Variants in SH3RF3 observed in about 807,000 individuals in gnomAD.
The protein encoded by SH3RF3 is SH3 domain containing ring finger 3.
In SH3RF3, 29 loss-of-function variants were observed where a neutral mutation model predicts 66.3. The ratio of observed to expected loss-of-function variants is 0.44; its 90% confidence interval spans 0.33 to 0.60. The LOEUF is 0.60. SH3RF3 is among the 20% of genes least tolerant of loss of function. The probability of loss-of-function intolerance (pLI) is 0.04; values close to 1 mark genes in which losing one functional copy is unlikely to be tolerated. For missense variants in SH3RF3, 1,194 were observed against 1,190.9 expected, an observed-to-expected ratio of 1.00 and a Z score of -0.04; for synonymous variants, 583 against 532.0, an observed-to-expected ratio of 1.10 and a Z score of -1.32.
intron 1 of SH3RF3, among the ~76,000 whole-genome samples, chr2:109,329,864 G>A (rs1682246020): frequency 6.6e-6 from 1 of 152,190 alleles, no homozygotes; most frequent in African/African-American, 2.4e-5. Flanking sequence ...AGAAATAAAA[G>A]TTATATGAAT....
rs564958055 is a variant in SH3RF3, at chr2:109,452,349, C to T, written c.2148+2860C>T. On this transcript the variant is annotated intron_variant, in intron 8 of 9. Coordinates refer to ENST00000309415, the MANE Select transcript of SH3RF3 (RefSeq NM_001099289.3). Reference sequence around the variant, plus strand: ...TGGGCAACTTGATCATAGATGTACACATGTCTAATTATGGCAAAGGTTTTT... The same window carrying T: ...TGGGCAACTTGATCATAGATGTACATATGTCTAATTATGGCAAAGGTTTTT... Among the ~76,000 whole-genome samples, 3 of 152,282 alleles carry T rather than the reference C, an allele frequency of 2.0e-5. 1 individual carries two copies. The South Asian group carries it at 6.2e-4, about 32-fold the overall frequency.
chr2:109,488,123 G>T (rs1291645001), intron 8 of SH3RF3, among the ~76,000 whole-genome samples: 1 of 152,182 alleles, frequency 6.6e-6, no homozygotes, highest in African/African-American at 2.4e-5. Flanking sequence ...GGGCTCCGCC[G>T]GGACACCTGG....
chr2:109,188,443 T>G (rs531910421), intron 1 of SH3RF3, among the ~76,000 whole-genome samples: 1 of 152,298 alleles, frequency 6.6e-6, no homozygotes, highest in South Asian at 2.1e-4. Context: ...ACACAACAGG[T>G]GTGGATGAAG....
intron 2 of SH3RF3, among the ~76,000 whole-genome samples, chr2:109,358,438 T>G (rs1247345385): frequency 6.6e-6 from 1 of 152,254 alleles, no homozygotes; most frequent in South Asian, 2.1e-4. Context: ...CTAGTTTGCA[T>G]GGTAAAAGCA....
intron 1 of SH3RF3, among the ~76,000 whole-genome samples, chr2:109,218,194 G>A (rs908356284): frequency 6.6e-6 from 1 of 151,828 alleles, no homozygotes; most frequent in Admixed American, 6.6e-5. Flanking sequence ...AGTTTCTGAG[G>A]CACGTGACAA....
chr2:109,133,705 T>G (rs1174015094), intron 1 of SH3RF3, among the ~76,000 whole-genome samples: 1 of 149,424 alleles, frequency 6.7e-6, no homozygotes, highest in Non-Finnish European at 1.5e-5. Flanking sequence ...ATGGTCATCT[T>G]GATTTCCCAA....
At chr2:109,489,743 G>T (rs368043739) in intron 8 of SH3RF3, among the ~76,000 whole-genome samples, 9 of 127,124 alleles carry the variant, frequency 7.1e-5, no homozygotes, top group Admixed American at 2.7e-4. Flanking sequence ...TTTTTGGCGG[G>T]GGGTGGGCGG....
At chr2:109,131,034 G>C (rs1574465629) in intron 1 of SH3RF3, among the ~76,000 whole-genome samples, 1 of 152,256 alleles carries the variant, frequency 6.6e-6, no homozygotes, top group East Asian at 1.9e-4. Context: ...TTATCTATTG[G>C]AATAATCATT....
chr2:109,484,330 G>T (rs1678914072), intron 8 of SH3RF3, among the ~76,000 whole-genome samples: 1 of 152,238 alleles, frequency 6.6e-6, no homozygotes, highest in South Asian at 2.1e-4. Flanking sequence ...GCCTCCCAAA[G>T]TGCTGGGATT....
chr2:109,319,442 G>A (rs1334701144), intron 1 of SH3RF3, among the ~76,000 whole-genome samples: 2 of 152,176 alleles, frequency 1.3e-5, no homozygotes, highest in African/African-American at 4.8e-5. Context: ...CTGAAAGCTT[G>A]GATTTACAAG....
chr2:109,288,235 C>T (rs749070606), intron 1 of SH3RF3, among the ~76,000 whole-genome samples: 23 of 152,220 alleles, frequency 1.5e-4, no homozygotes, highest in Admixed American at 5.9e-4. Flanking sequence ...GCCTCAAGAA[C>T]AAAGAAAGTT....
intron 1 of SH3RF3, among the ~76,000 whole-genome samples, chr2:109,314,656 A>G (rs13427442): frequency 0.31 from 47,519 of 152,234 alleles, 9,203 homozygotes; most frequent in African/African-American, 0.55. Context: ...TTGTAAATTA[A>G]TCCTCCTTTA....
chr2:109,164,401 T>C (rs1190346947), intron 1 of SH3RF3, among the ~76,000 whole-genome samples: 1 of 152,192 alleles, frequency 6.6e-6, no homozygotes, highest in Non-Finnish European at 1.5e-5. Flanking sequence ...TCAGGCTGGT[T>C]CCAAACTCTT....
intron 1 of SH3RF3, among the ~76,000 whole-genome samples, chr2:109,278,863 G>A (rs538318852): frequency 1.3e-5 from 2 of 152,188 alleles, no homozygotes; most frequent in African/African-American, 4.8e-5. Context: ...GTGTGGGGAC[G>A]TGCACTCTGC....
chr2:109,220,135 A>G (rs754767229), intron 1 of SH3RF3, among the ~76,000 whole-genome samples: 4 of 152,260 alleles, frequency 2.6e-5, no homozygotes, highest in Non-Finnish European at 5.9e-5. Context: ...TGTATGGTCC[A>G]TTGGTTTTTC....
intron 5 of SH3RF3, among the ~76,000 whole-genome samples, chr2:109,431,321 T>C (rs913879249): frequency 1.3e-5 from 2 of 152,234 alleles, no homozygotes; most frequent in African/African-American, 4.8e-5. Context: ...CTTAGTGAAC[T>C]GAGGCCTCCA....
At chr2:109,156,775 G>A (rs1464451717) in intron 1 of SH3RF3, among the ~76,000 whole-genome samples, 1 of 152,116 alleles carries the variant, frequency 6.6e-6, no homozygotes, top group Non-Finnish European at 1.5e-5. Context: ...GGGATGTGAA[G>A]GGTTGTTGTA....
chr2:109,196,885 G>A (rs1320468451), intron 1 of SH3RF3, among the ~76,000 whole-genome samples: 1 of 152,190 alleles, frequency 6.6e-6, no homozygotes, highest in Non-Finnish European at 1.5e-5. Context: ...CTTCCTTTGA[G>A]GACCCCGGCA....
At position 109,490,665 on chromosome 2, in the gene SH3RF3, C is replaced by A; in HGVS notation, c.2209C>A (p.Arg737Ser). 1 of 1,515,364 alleles carries A rather than the reference C, an allele frequency of 6.6e-7. No individual in the cohort carries two copies. Among genetic ancestry groups the A allele is most frequent in the Non-Finnish European group, 8.8e-7 (1 of 1,131,702 alleles). 93.9% of individuals were successfully genotyped at this position (1,515,364 alleles called of 1,614,324 possible). A position where few individuals can be genotyped will look rare whatever the true frequency, so the allele number is the denominator to read the frequency against. ...LAGASTKKKSRSPPSVSPTHD... is the reference protein window; with the variant it reads ...LAGASTKKKSSSPPSVSPTHD... ...CGGAGCATCCACCAAGAAGAAGTCA[C>A]GCTCCCCGCCATCTGTGTCTCCAAC... The change falls in exon 9 of 10, where the codon CGC becomes AGC. Residue 737 changes from arginine to serine, a missense_variant. Coordinates refer to ENST00000309415, the MANE Select transcript of SH3RF3 (RefSeq NM_001099289.3).
Sources: allele counts gnomAD v4.1 joint callset (sites outside exome capture counted in the v4.1 genomes callset), GRCh38; gene constraint gnomAD v4.1.1; transcripts MANE v1.5; gene names NCBI Gene and HGNC (gene_info 2026-07-23, HGNC 2026-07-21).